The following MED10 variants were observed in gnomAD, a reference collection of about 807,000 sequenced individuals.
The protein encoded by MED10 is mediator complex subunit 10.
A neutral mutation model predicts 17.2 loss-of-function variants in MED10; 9 were observed. That is an observed-to-expected ratio of 0.52 (90% confidence interval 0.31 to 0.91). The LOEUF is 0.91. Ranked by LOEUF, MED10 falls within the 40% of genes least tolerant of loss-of-function variation. The pLI is 0.04. For synonymous variants in MED10, 66 were observed against 59.8 expected (o/e 1.10, Z -0.48); for missense variants, 129 against 164.8 (o/e 0.78, Z 1.19).
rs1241289149 is a variant in MED10, at chr5:6,378,420, G to A, written c.64C>T (p.Leu22Phe). The A allele has an allele frequency of 5.0e-6, 8 of 1,613,692 alleles. No individual in the cohort carries two copies. Residue 22 changes from leucine to phenylalanine, a missense_variant, in exon 1 of 4, where the codon CTC (leucine) becomes TTC (phenylalanine). Transcript: ENST00000255764. ...TGGAAGTCACTGACGATGATGCCGA[G>A]CTGCCGAATGTTCTCCACGAACTTC... ...LEKFVENIRQLGIIVSDFQPS... is the reference protein window; with the variant it reads ...LEKFVENIRQFGIIVSDFQPS...
Position 6,374,317 on chromosome 5 carries a change from G to A in MED10, c.309+7C>T, listed in dbSNP as rs1348288906. The A allele has an allele frequency of 6.3e-7, 1 of 1,596,984 alleles. No individual in the cohort carries two copies. The highest frequency in any genetic ancestry group is 1.3e-5 in the African/African-American group (1 of 74,520). On this transcript the variant is annotated splice_region_variant and intron_variant, in intron 3 of 3. Coordinates refer to ENST00000255764, the MANE Select transcript of MED10 (RefSeq NM_032286.3). ...CACTGTATTTCTGACACTCCTTAGAGTCTTACCTTCATGGTGTCGATCTTG... is the reference window on the plus strand; with the variant it reads ...CACTGTATTTCTGACACTCCTTAGAATCTTACCTTCATGGTGTCGATCTTG...
chr5:6,372,613 A>G lies in MED10; in HGVS notation c.310-12T>C, dbSNP rs373531003. 4.8e-5 allele frequency: 76 copies of G among 1,598,192 alleles called. No individual in the cohort carries two copies. Among genetic ancestry groups the G allele is most frequent in the Non-Finnish European group, 6.3e-5 (74 of 1,165,524 alleles). ...AGGCTTTTAAATTTCTACAAAGAAA[A>G]TACATTATCAAAGGAGCTCTTCACA... On this transcript the variant is annotated splice_polypyrimidine_tract_variant and intron_variant, in intron 3 of 3. Transcript: ENST00000255764.
Position 6,378,543 on chromosome 5 carries a change from A to G in MED10, c.-60T>C. The G allele has an allele frequency of 1.9e-6, 3 of 1,547,514 alleles. No homozygotes were observed. Among genetic ancestry groups the G allele is most frequent in the Admixed American group, 3.7e-5 (2 of 53,392 alleles). ...CCAGCAGCGCCGCAGGCGTGGCCCTACGCTCCCGCTTCCTGCTTCCGTCCG... is the reference window on the plus strand; with the variant it reads ...CCAGCAGCGCCGCAGGCGTGGCCCTGCGCTCCCGCTTCCTGCTTCCGTCCG... On this transcript the variant is annotated 5_prime_UTR_variant, in exon 1 of 4. Transcript: ENST00000255764.
chr5:6,373,314 A>G (rs946295596), intron 3 of MED10, among the ~76,000 whole-genome samples: 1 of 152,176 alleles, frequency 6.6e-6, no homozygotes, highest in Non-Finnish European at 1.5e-5. Context: ...CACGTGTCCC[A>G]GTCTGGCACC....
At chr5:6,372,921 C>T (rs1009872637) in intron 3 of MED10, among the ~76,000 whole-genome samples, 3 of 152,180 alleles carry the variant, frequency 2.0e-5, no homozygotes, top group Admixed American at 1.3e-4. Context: ...TGGAGAGAGA[C>T]GTTTCTGTTG....
chr5:6,378,243 G>A, intron 1 of MED10, 119 bp downstream of exon 1: 1 of 1,362,912 alleles, frequency 7.3e-7, no homozygotes, highest in Admixed American at 2.7e-5. Flanking sequence ...AGACCAGAGG[G>A]CTGGCGGGGC....
intron 3 of MED10, among the ~76,000 whole-genome samples, chr5:6,373,897 A>G (rs115973875): frequency 0.011 from 1,626 of 152,362 alleles, 32 homozygotes; most frequent in African/African-American, 0.038. Flanking sequence ...GACAATGGAT[A>G]TGGTAAAAAG....
chr5:6,378,241 G>A (rs905559680), intron 1 of MED10, 121 bp downstream of exon 1: 9 of 1,365,172 alleles, frequency 6.6e-6, no homozygotes, highest in Middle Eastern at 2.5e-4. Flanking sequence ...CCAGACCAGA[G>A]GGCTGGCGGG....
intron 2 of MED10, chr5:6,376,946 ATTC>A: frequency 2.6e-6 from 1 of 386,944 alleles, no homozygotes; most frequent in Non-Finnish European, 4.6e-6. Flanking sequence ...TATTAAGGAT[ATTC>A]TTTTTTTTCG....
In MED10 at chr5:6,372,609, GAA is replaced by G. The variant is rs1334057205; in HGVS notation, c.310-10_310-9del. Reference sequence around the variant, plus strand: ...CAACAGGCTTTTAAATTTCTACAAAGAAAATACATTATCAAAGGAGCTCTTCA... The same window carrying G: ...CAACAGGCTTTTAAATTTCTACAAAGAATACATTATCAAAGGAGCTCTTCA... On this transcript the variant is annotated splice_polypyrimidine_tract_variant and intron_variant, in intron 3 of 3. Coordinates refer to ENST00000255764, the MANE Select transcript of MED10 (RefSeq NM_032286.3). 1 of 1,599,442 alleles carries G rather than the reference GAA, an allele frequency of 6.3e-7. No individual in the cohort carries two copies. The highest frequency in any genetic ancestry group is 1.7e-5 in the Admixed American group (1 of 59,952).
intron 3 of MED10, among the ~76,000 whole-genome samples, chr5:6,373,165 T>G (rs1260412464): frequency 6.6e-6 from 1 of 152,136 alleles, no homozygotes; most frequent in Non-Finnish European, 1.5e-5. Flanking sequence ...TGAATGGGAT[T>G]CTGGAAGCCC....
intron 1 of MED10, among the ~76,000 whole-genome samples, chr5:6,377,549 T>G (rs1395519593): frequency 1.3e-5 from 2 of 152,204 alleles, no homozygotes; most frequent in Non-Finnish European, 1.5e-5. Context: ...TACCTGACTG[T>G]GCATATGACT....
chr5:6,378,359 C>G lies in MED10; in HGVS notation c.122+3G>C, dbSNP rs537809316. ...ACCCCGGCAGCCTCGGGCCGCCACTCACAGCTTTTGGTTGAGCCCGGCCTG... is the reference window on the plus strand; with the variant it reads ...ACCCCGGCAGCCTCGGGCCGCCACTGACAGCTTTTGGTTGAGCCCGGCCTG... On this transcript the variant is annotated splice_donor_region_variant and intron_variant, in intron 1 of 3. Coordinates refer to ENST00000255764, the MANE Select transcript of MED10 (RefSeq NM_032286.3). The G allele has an allele frequency of 1.2e-6, 2 of 1,605,714 alleles. No individual in the cohort carries two copies. The highest frequency in any genetic ancestry group is 1.7e-6 in the Non-Finnish European group (2 of 1,176,774).
At chr5:6,378,304 G>T in intron 1 of MED10, 58 bp downstream of exon 1, 1 of 1,500,216 alleles carries the variant, frequency 6.7e-7, no homozygotes, top group Non-Finnish European at 8.9e-7. Context: ...CGCTCCCCTA[G>T]CACACGCTTC....
intron 3 of MED10, among the ~76,000 whole-genome samples, chr5:6,373,255 G>A (rs1474191589): frequency 6.6e-6 from 1 of 152,154 alleles, no homozygotes; most frequent in Non-Finnish European, 1.5e-5. Flanking sequence ...AGCGCCAAGA[G>A]GCCACTGTGT....
intron 2 of MED10, 78 bp downstream of exon 2, chr5:6,377,088 A>T: frequency 1.1e-6 from 1 of 903,852 alleles, no homozygotes; most frequent in Admixed American, 2.4e-5. Context: ...CTCGAATGCC[A>T]GTGATGAAGA....
At chr5:6,378,164 G>C (rs1738039210) in intron 1 of MED10, among the ~76,000 whole-genome samples, 198 bp downstream of exon 1, 1 of 152,264 alleles carries the variant, frequency 6.6e-6, no homozygotes, top group African/African-American at 2.4e-5. Flanking sequence ...GTTGGCTCTT[G>C]GCAACAGGCT....
chr5:6,374,254 G>T, intron 3 of MED10, 70 bp downstream of exon 3: 1 of 1,016,390 alleles, frequency 9.8e-7, no homozygotes, highest in Non-Finnish European at 1.6e-6. Flanking sequence ...AAAAAAATGA[G>T]TCTCTTAACC....
intron 2 of MED10, among the ~76,000 whole-genome samples, chr5:6,376,285 T>G (rs926492026): frequency 3.9e-5 from 6 of 152,336 alleles, no homozygotes; most frequent in African/African-American, 1.2e-4. Flanking sequence ...CAGCCATAAC[T>G]CTTTCCCTTT....
Sources: gnomAD v4.1 joint callset for allele counts (sites outside exome capture counted in the v4.1 genomes callset) on GRCh38, gnomAD v4.1.1 for gene constraint, MANE v1.5 for transcripts, NCBI Gene and HGNC (gene_info 2026-07-23, HGNC 2026-07-21) for gene names.